Variants in KLHL8 observed in about 807,000 individuals in gnomAD.
KLHL8 encodes kelch like family member 8, also known as kelch-like protein 8.
Under a neutral mutation model 63.5 loss-of-function variants are expected in KLHL8, and 38 were observed. That is an observed-to-expected ratio of 0.60 (90% CI 0.46 to 0.78). The LOEUF (loss-of-function observed/expected upper bound fraction) is 0.78. Among genes scored for constraint, KLHL8 ranks in the 30% least tolerant of loss-of-function variants. The pLI, the probability that KLHL8 is intolerant of heterozygous loss-of-function variation, is 0.00. For missense variants in KLHL8, 566 were observed against 752.4 expected, an observed-to-expected ratio of 0.75 and a Z score of 2.90; for synonymous variants, 224 against 254.3, an observed-to-expected ratio of 0.88 and a Z score of 1.13.
intron 1 of KLHL8, among the ~76,000 whole-genome samples, chr4:87,200,097 T>C (rs191919930): frequency 4.5e-4 from 58 of 129,458 alleles, no homozygotes; most frequent in African/African-American, 1.6e-3. Flanking sequence ...GCTGTAATCA[T>C]GCCACTGAAC....
Position 87,176,722 on chromosome 4 carries a change from C to A in KLHL8, c.1208+35G>T, listed in dbSNP as rs1197446438. 10 of 1,184,652 alleles carry A rather than the reference C, an allele frequency of 8.4e-6. 1 individual carries two copies. The highest frequency in any genetic ancestry group is 1.9e-4 in the Middle Eastern group (1 of 5,192). The allele number at this position is 1,184,652 out of a possible 1,614,324, so 73.4% of individuals were successfully genotyped here. A position where few individuals can be genotyped will look rare whatever the true frequency, so the allele number is the denominator to read the frequency against. On this transcript the variant is annotated intron_variant, in intron 6 of 9. Coordinates refer to ENST00000273963, the MANE Select transcript of KLHL8 (RefSeq NM_020803.5). ...TAAATTTTAAGAAACTTTATTTCCACCATCAGTTCAAAATAACTTTCCATG... is the reference window on the plus strand; with the variant it reads ...TAAATTTTAAGAAACTTTATTTCCAACATCAGTTCAAAATAACTTTCCATG...
intron 1 of KLHL8, among the ~76,000 whole-genome samples, chr4:87,218,561 T>A (rs1454915821): frequency 3.3e-5 from 5 of 152,154 alleles, no homozygotes; most frequent in Non-Finnish European, 7.4e-5. Context: ...TTTTAAAAAA[T>A]AACCCTCACT....
chr4:87,197,155 A>G (rs1731730606), intron 1 of KLHL8, among the ~76,000 whole-genome samples: 1 of 118,724 alleles, frequency 8.4e-6, no homozygotes, highest in African/African-American at 2.8e-5. Flanking sequence ...ATCCTTAATG[A>G]GTCATGTCTT....
At chr4:87,167,435 G>A (rs1302499247) in intron 8 of KLHL8, 3 of 487,518 alleles carry the variant, frequency 6.2e-6, no homozygotes, top group Non-Finnish European at 1.2e-5. Context: ...TCCTACTCCA[G>A]GCTGTCCTCA....
chr4:87,228,222 A>G (rs1470690846), intron 1 of KLHL8, among the ~76,000 whole-genome samples: 2 of 152,092 alleles, frequency 1.3e-5, no homozygotes, highest in Admixed American at 6.6e-5. Flanking sequence ...ACATTATAAC[A>G]CAGCTGTTAT....
chr4:87,211,028 C>T (rs894921740), intron 1 of KLHL8, among the ~76,000 whole-genome samples: 5 of 152,216 alleles, frequency 3.3e-5, no homozygotes, highest in African/African-American at 1.2e-4. Flanking sequence ...TGTAACACTA[C>T]ATAAGCCCCT....
intron 8 of KLHL8, chr4:87,167,105 C>A: frequency 2.4e-6 from 1 of 420,974 alleles, no homozygotes; most frequent in Admixed American, 2.6e-5. Flanking sequence ...TTGGAAGAAG[C>A]ACCTCAATGG....
chr4:87,202,572 T>C (rs1405063352), intron 1 of KLHL8, among the ~76,000 whole-genome samples: 2 of 152,088 alleles, frequency 1.3e-5, no homozygotes, highest in African/African-American at 4.8e-5. Flanking sequence ...TCTACACACA[T>C]AAATGTGACA....
intron 5 of KLHL8, among the ~76,000 whole-genome samples, chr4:87,177,641 C>G (rs1578367389): frequency 6.6e-6 from 1 of 152,114 alleles, no homozygotes. Flanking sequence ...GGGTCTTGCT[C>G]TGTCACCCAA....
chr4:87,229,271 GA>G (rs1733090606), intron 1 of KLHL8, among the ~76,000 whole-genome samples: 2 of 152,124 alleles, frequency 1.3e-5, no homozygotes, highest in African/African-American at 4.8e-5. Context: ...CTGTTGAATA[GA>G]AAACAGATGA....
At chr4:87,180,197 A>T (rs770036792) in intron 4 of KLHL8, among the ~76,000 whole-genome samples, 6 of 152,194 alleles carry the variant, frequency 3.9e-5, no homozygotes, top group Admixed American at 3.9e-4. Context: ...ATTAGCATTT[A>T]TTTAACACAC....
intron 4 of KLHL8, 62 bp downstream of exon 4, chr4:87,183,141 A>G (rs1282569843): frequency 1.6e-6 from 2 of 1,271,270 alleles, no homozygotes; most frequent in African/African-American, 3.0e-5. Flanking sequence ...TTGGGCACAC[A>G]TGAACAACCC....
intron 2 of KLHL8, among the ~76,000 whole-genome samples, chr4:87,188,910 T>C (rs919010861): frequency 6.6e-6 from 1 of 152,248 alleles, no homozygotes; most frequent in African/African-American, 2.4e-5. Flanking sequence ...ATTTACATTC[T>C]TTCTTTGTTA....
intron 1 of KLHL8, among the ~76,000 whole-genome samples, chr4:87,227,488 A>G (rs1733053196): frequency 6.6e-6 from 1 of 152,182 alleles, no homozygotes; most frequent in Non-Finnish European, 1.5e-5. Context: ...AAAATTAAAA[A>G]GAAAGAAAAA....
chr4:87,216,004 T>C (rs1390539042), intron 1 of KLHL8, among the ~76,000 whole-genome samples: 1 of 152,232 alleles, frequency 6.6e-6, no homozygotes, highest in African/African-American at 2.4e-5. Context: ...TCTTTAACAT[T>C]GGGTGTTTTG....
At chr4:87,196,819 T>C (rs1224733720) in intron 1 of KLHL8, among the ~76,000 whole-genome samples, 3 of 152,204 alleles carry the variant, frequency 2.0e-5, no homozygotes, top group Admixed American at 6.5e-5. Context: ...TTTGTAAAAC[T>C]GAGGCTTTAC....
rs545369407 is a variant in KLHL8 at position 87,218,879 on chromosome 4, C to T, written c.-152+1539G>A. Among the ~76,000 whole-genome samples the T allele has an allele frequency of 3.0e-4, 45 of 152,236 alleles. 1 individual carries two copies. In the South Asian group the frequency reaches 9.3e-3, roughly 32 times the overall value. ...CCTCTCGAGTAGCTGAGACTACAGG[C>T]ATGTGCCACCACGCTCAGCTAATTT... On this transcript the variant is annotated intron_variant, in intron 1 of 9. Coordinates refer to ENST00000273963, the MANE Select transcript of KLHL8 (RefSeq NM_020803.5).
At chr4:87,185,078 A>T (rs1731198413) in intron 3 of KLHL8, among the ~76,000 whole-genome samples, 173 bp downstream of exon 3, 1 of 152,252 alleles carries the variant, frequency 6.6e-6, no homozygotes, top group South Asian at 2.1e-4. Context: ...TCATCCTGAA[A>T]CAGCACAGCA....
rs143684897 is a variant in KLHL8, at chr4:87,195,304, T to C, written c.216+20A>G. The C allele has an allele frequency of 9.6e-5, 154 of 1,601,830 alleles. No individual in the cohort carries two copies. The East Asian group carries it at 3.4e-3, about 35-fold the overall frequency. On this transcript the variant is annotated intron_variant, in intron 2 of 9. Transcript: ENST00000273963. ...TTACACTGAAGAGGCCTGAGAAAAG[T>C]ACAAAAAAGGCAATCTCACCTTGAG...
Sources: allele counts gnomAD v4.1 joint callset (sites outside exome capture counted in the v4.1 genomes callset), GRCh38; gene constraint gnomAD v4.1.1; transcripts MANE v1.5; gene names NCBI Gene and HGNC (gene_info 2026-07-23, HGNC 2026-07-21).